SLC5A11: variants seen among roughly 807,000 people sequenced by gnomAD.
SLC5A11 encodes the protein sodium/myo-inositol cotransporter 2.
In SLC5A11, 48 loss-of-function variants were observed where a neutral mutation model predicts 69.8. That is an observed-to-expected ratio of 0.69 (90% CI 0.55 to 0.87). The LOEUF is 0.87. Ranked by LOEUF, SLC5A11 falls within the 40% of genes least tolerant of loss-of-function variation. The pLI is 0.00. For synonymous variants in SLC5A11, 319 were observed against 342.4 expected, an observed-to-expected ratio of 0.93 and a Z score of 0.75; for missense variants, 784 against 866.1, an observed-to-expected ratio of 0.91 and a Z score of 1.19.
At chr16:24,876,526 C>T (rs11862551) in intron 6 of SLC5A11, among the ~76,000 whole-genome samples, 16,936 of 152,214 alleles carry the variant, frequency 0.11, 1,198 homozygotes, top group South Asian at 0.15. Context: ...AAGCTGTCTT[C>T]GCTTCCAGCC....
At chr16:24,905,600 C>A (rs796206972) in intron 10 of SLC5A11, among the ~76,000 whole-genome samples, 2 of 150,262 alleles carry the variant, frequency 1.3e-5, no homozygotes, top group African/African-American at 4.9e-5. Context: ...CCAGCCTGGG[C>A]GACAGAGCAA....
chr16:24,884,591 T>TTC (rs1472701785), intron 8 of SLC5A11, among the ~76,000 whole-genome samples: 4 of 149,600 alleles, frequency 2.7e-5, no homozygotes, highest in Admixed American at 6.7e-5. Flanking sequence ...CCTCAAGTGA[T>TTC]TCTCCTGCCT....
chr16:24,870,607 C>G (rs750788829), intron 4 of SLC5A11, among the ~76,000 whole-genome samples: 3 of 151,750 alleles, frequency 2.0e-5, no homozygotes, highest in Non-Finnish European at 4.4e-5. Context: ...TGGTGAGACT[C>G]CATCTCTACT....
At chr16:24,879,404 C>T (rs2047900313) in intron 7 of SLC5A11, among the ~76,000 whole-genome samples, 1 of 152,068 alleles carries the variant, frequency 6.6e-6, no homozygotes, top group Non-Finnish European at 1.5e-5. Flanking sequence ...TTATTCAAGT[C>T]CATGAGTACC....
At chr16:24,869,637 C>G (rs1455507593) in intron 3 of SLC5A11, among the ~76,000 whole-genome samples, 1 of 152,154 alleles carries the variant, frequency 6.6e-6, no homozygotes, top group Non-Finnish European at 1.5e-5. Flanking sequence ...ACTGCACAAC[C>G]CTACAGGGTG....
intron 10 of SLC5A11, among the ~76,000 whole-genome samples, chr16:24,903,581 T>C (rs1172460783): frequency 6.6e-6 from 1 of 152,214 alleles, no homozygotes; most frequent in Non-Finnish European, 1.5e-5. Context: ...AGCTTCCACA[T>C]ATGAGTGAGA....
Position 24,881,590 on chromosome 16 carries a change from T to A in SLC5A11, c.584-2461T>A, listed in dbSNP as rs768750304. On this transcript the variant is annotated intron_variant, in intron 7 of 15. Transcript: ENST00000347898. Reference sequence around the variant, plus strand: ...GATGTGAACTACTGTGCCCGGCCTGTGATTTGCATTTTTCTGATGATTAGC... The same window carrying A: ...GATGTGAACTACTGTGCCCGGCCTGAGATTTGCATTTTTCTGATGATTAGC... Among the ~76,000 whole-genome samples the A allele has an allele frequency of 3.3e-5, 5 of 152,228 alleles. No individual in the cohort carries two copies. In the East Asian group the frequency reaches 7.7e-4, roughly 24 times the overall value.
chr16:24,852,686 G>A (rs1452318634), intron 1 of SLC5A11, among the ~76,000 whole-genome samples: 3 of 152,178 alleles, frequency 2.0e-5, no homozygotes, highest in Non-Finnish European at 4.4e-5. Context: ...CAGGGTGCAG[G>A]GGACTGAGAT....
chr16:24,892,068 A>AG (rs1555530218), intron 9 of SLC5A11, among the ~76,000 whole-genome samples: 4 of 149,028 alleles, frequency 2.7e-5, no homozygotes, highest in African/African-American at 7.7e-5. Context: ...AAAAAAAAAA[A>AG]AAGTAAAAAT....
chr16:24,884,893 A>G (rs568850182), intron 8 of SLC5A11, among the ~76,000 whole-genome samples: 1 of 151,622 alleles, frequency 6.6e-6, no homozygotes, highest in East Asian at 1.9e-4. Context: ...GGTGTGCACC[A>G]CCATCCCTGG....
intron 1 of SLC5A11, among the ~76,000 whole-genome samples, chr16:24,855,434 C>CAAA (rs143252263): frequency 3.3e-4 from 30 of 90,084 alleles, no homozygotes; most frequent in African/African-American, 8.0e-4. Flanking sequence ...TTCATCTCTA[C>CAAA]AAAAAAAAAA....
chr16:24,851,922 G>A (rs1303161378), intron 1 of SLC5A11, among the ~76,000 whole-genome samples: 1 of 151,610 alleles, frequency 6.6e-6, no homozygotes. Flanking sequence ...ATTAAAATTT[G>A]TAATTAGTCA....
chr16:24,849,594 ATATATATAT>A (rs1382693433), intron 1 of SLC5A11, among the ~76,000 whole-genome samples: 25 of 53,946 alleles, frequency 4.6e-4, no homozygotes, highest in African/African-American at 2.0e-3. Context: ...AAAAAAAAAA[ATATATATAT>A]ATATATATAT....
At position 24,877,247 on chromosome 16, in the gene SLC5A11, T is replaced by C. The variant is rs1386864389; in HGVS notation, c.478-11T>C. The C allele has an allele frequency of 1.2e-6, 2 of 1,612,948 alleles. No individual in the cohort carries two copies. The highest frequency in any genetic ancestry group is 2.2e-5 in the East Asian group (1 of 44,860). On this transcript the variant is annotated splice_polypyrimidine_tract_variant and intron_variant, in intron 6 of 15. Transcript: ENST00000347898. ...TTCATTTGTTCATCCATCAACCTCC[T>C]TTCTTCACAGGTAGACATGTATGCA...
rs141515995 is a variant in SLC5A11, at chr16:24,891,541, C to G, written c.870+467C>G. 1.9e-4 allele frequency among the ~76,000 whole-genome samples: 29 copies of G among 152,082 alleles called. No homozygotes were observed. The East Asian group carries it at 5.6e-3, about 29-fold the overall frequency. On this transcript the variant is annotated intron_variant, in intron 9 of 15. Coordinates refer to ENST00000347898, the Ensembl canonical transcript of SLC5A11. ...GTCTCACTACACTGACCAGGCTGCT[C>G]TCAGGCTCCTGAGTTCAAGTGATCC...
chr16:24,909,469 G>C (rs986775533), intron 14 of SLC5A11, among the ~76,000 whole-genome samples: 1 of 151,534 alleles, frequency 6.6e-6, no homozygotes. Context: ...GTGAGATCCC[G>C]TCTCTTAAAA....
At chr16:24,856,795 T>TAATAA (rs891140108) in intron 1 of SLC5A11, among the ~76,000 whole-genome samples, 28 of 150,932 alleles carry the variant, frequency 1.9e-4, no homozygotes, top group Admixed American at 2.6e-4. Context: ...TAAATAAAAA[T>TAATAA]AATAAAATAA....
chr16:24,851,730 T>C (rs1025136960), intron 1 of SLC5A11, among the ~76,000 whole-genome samples: 4 of 152,208 alleles, frequency 2.6e-5, no homozygotes, highest in Non-Finnish European at 5.9e-5. Flanking sequence ...CTGTGACGTA[T>C]GTCTAATTAT....
At chr16:24,862,551 C>G in intron 2 of SLC5A11, 50 bp from the exon 4 acceptor site, 10 of 1,543,942 alleles carry the variant, frequency 6.5e-6, no homozygotes, top group Non-Finnish European at 8.9e-6. Flanking sequence ...TTTGAGATGC[C>G]TCTGATTGCT....
Sources: allele counts gnomAD v4.1 joint callset (sites outside exome capture counted in the v4.1 genomes callset), GRCh38; gene constraint gnomAD v4.1.1; transcripts MANE v1.5; gene names NCBI Gene and HGNC (gene_info 2026-07-23, HGNC 2026-07-21).